Variants in AOPEP observed in about 807,000 individuals in gnomAD.
The protein encoded by AOPEP is aminopeptidase O.
Under a neutral mutation model 98.1 loss-of-function variants are expected in AOPEP, and 77 were observed. The ratio of observed to expected loss-of-function variants is 0.78; its 90% confidence interval spans 0.65 to 0.95. The LOEUF (loss-of-function observed/expected upper bound fraction) is 0.95. Ranked by LOEUF, AOPEP falls within the 40% of genes least tolerant of loss-of-function variation. The pLI is 0.00. For missense variants in AOPEP, 1,024 were observed against 1,024.7 expected (o/e 1.00, Z 0.01); for synonymous variants, 346 against 365.3 (o/e 0.95, Z 0.60).
At chr9:94,848,903 C>T (rs904797509) in intron 5 of AOPEP, among the ~76,000 whole-genome samples, 6 of 152,096 alleles carry the variant, frequency 3.9e-5, no homozygotes, top group African/African-American at 7.2e-5. Flanking sequence ...CAGCCTCCCA[C>T]GTAGCTGGGA....
chr9:95,124,945 G>T, the AOPEP span: 2 of 743,128 alleles, frequency 2.7e-6, no homozygotes, highest in Non-Finnish European at 4.7e-6. Context: ...CTTAACCTTT[G>T]TTGGGGCACT....
chr9:94,813,392 C>A (rs905104340), intron 5 of AOPEP, among the ~76,000 whole-genome samples: 5 of 152,076 alleles, frequency 3.3e-5, no homozygotes, highest in Non-Finnish European at 5.9e-5. Flanking sequence ...ATGATGATAC[C>A]ACCTGACTTT....
chr9:94,921,476 T>C (rs533774479), intron 5 of AOPEP: 2 of 152,246 alleles, frequency 1.3e-5, no homozygotes, highest in African/African-American at 4.8e-5. Flanking sequence ...TCACTCACTG[T>C]TGAAGAAAAG....
intron 5 of AOPEP, among the ~76,000 whole-genome samples, chr9:94,841,325 C>T (rs978962961): frequency 1.3e-5 from 2 of 152,102 alleles, no homozygotes; most frequent in Admixed American, 6.5e-5. Context: ...GCGTGTGCCA[C>T]GATGCTTGGC....
intron 5 of AOPEP, chr9:94,810,026 C>G (rs947001045): frequency 6.4e-6 from 1 of 155,988 alleles, no homozygotes; most frequent in East Asian, 1.9e-4. Context: ...ATCACCCAGA[C>G]AGCTTGCACT....
intron 1 of AOPEP, among the ~76,000 whole-genome samples, chr9:94,735,409 A>T (rs1831516921): frequency 6.6e-6 from 1 of 152,092 alleles, no homozygotes; most frequent in Admixed American, 6.6e-5. Flanking sequence ...TTTAGTAGAG[A>T]CAGGGTTTCA....
At position 94,944,735 on chromosome 9, in the gene AOPEP, A is replaced by G. The variant is rs554615129; in HGVS notation, c.1662-10442A>G. On this transcript the variant is annotated intron_variant, in intron 7 of 16. Transcript: ENST00000375315. ...GGTCAGGGCCTGGGTGGAGGTGGGA[A>G]GGAGATTGGGGAGTGACTGCCAGTG... is the stretch of plus-strand genomic sequence containing the variant. Among the ~76,000 whole-genome samples, 3 of 152,042 alleles carry G rather than the reference A, an allele frequency of 2.0e-5. No homozygotes were observed. The South Asian group carries it at 6.3e-4, about 32-fold the overall frequency.
the AOPEP span, chr9:95,099,695 C>CA: frequency 8.6e-6 from 2 of 232,308 alleles, no homozygotes; most frequent in Non-Finnish European, 1.7e-5. Context: ...ACAGTCCTCC[C>CA]ACCCAGGAAC....
the AOPEP span, chr9:95,101,033 T>C: frequency 4.3e-6 from 1 of 234,052 alleles, no homozygotes; most frequent in African/African-American, 2.2e-5. Flanking sequence ...ACACATCCTC[T>C]ACCTTCGCCT....
chr9:94,835,143 G>T (rs1588460072), intron 5 of AOPEP, among the ~76,000 whole-genome samples: 2 of 152,252 alleles, frequency 1.3e-5, no homozygotes, highest in South Asian at 4.2e-4. Flanking sequence ...TCTTTTCGGG[G>T]TATTGTTTTG....
At position 94,969,682 on chromosome 9, in the gene AOPEP, C is replaced by T. The variant is rs964855099; in HGVS notation, c.1916+1881C>T. ...TCGGCCTCCCAAAGTGCTGGGATTACAGGCGTGGGCCACTGCGCCTGGCCA... is the reference window on the plus strand; with the variant it reads ...TCGGCCTCCCAAAGTGCTGGGATTATAGGCGTGGGCCACTGCGCCTGGCCA... On this transcript the variant is annotated intron_variant, in intron 10 of 16. Transcript: ENST00000375315. Among the ~76,000 whole-genome samples the T allele has an allele frequency of 2.0e-5, 3 of 152,360 alleles. No homozygotes were observed. The South Asian group carries it at 6.2e-4, about 32-fold the overall frequency.
chr9:95,110,571 T>A, the AOPEP span: 1 of 1,034,028 alleles, frequency 9.7e-7, no homozygotes, highest in Non-Finnish European at 1.2e-6. Context: ...ATTTCAACTT[T>A]TTAAAATCTA....
intron 7 of AOPEP, among the ~76,000 whole-genome samples, chr9:94,939,508 G>C (rs954687511): frequency 6.6e-6 from 1 of 152,102 alleles, no homozygotes; most frequent in Non-Finnish European, 1.5e-5. Context: ...CTTGACCCAG[G>C]ATGGTAGGAT....
At chr9:94,828,807 T>G (rs1855255111) in intron 5 of AOPEP, among the ~76,000 whole-genome samples, 1 of 151,264 alleles carries the variant, frequency 6.6e-6, no homozygotes, top group African/African-American at 2.4e-5. Context: ...ACACATTATT[T>G]ATATATATTT....
intron 7 of AOPEP, among the ~76,000 whole-genome samples, chr9:94,946,666 G>A (rs968692517): frequency 4.6e-5 from 7 of 152,170 alleles, no homozygotes; most frequent in Non-Finnish European, 7.3e-5. Flanking sequence ...AACAATCTAC[G>A]TATCTGAAGG....
At chr9:95,133,570 G>C in the AOPEP span, among the ~76,000 whole-genome samples, 1 of 152,212 alleles carries the variant, frequency 6.6e-6, no homozygotes, top group Admixed American at 6.5e-5. Context: ...TCACCACAGT[G>C]CTGCTCAGGC....
intron 11 of AOPEP, among the ~76,000 whole-genome samples, chr9:94,992,512 C>A (rs1029520148): frequency 6.6e-6 from 1 of 152,184 alleles, no homozygotes; most frequent in Non-Finnish European, 1.5e-5. Flanking sequence ...GGAGGAAAGT[C>A]GGTTTGTTAT....
intron 5 of AOPEP, among the ~76,000 whole-genome samples, chr9:94,883,522 C>T (rs1157259891): frequency 1.3e-5 from 2 of 152,138 alleles, no homozygotes; most frequent in East Asian, 3.9e-4. Flanking sequence ...TGAGGCTCAG[C>T]TTTTGTTACA....
intron 1 of AOPEP, among the ~76,000 whole-genome samples, chr9:94,730,820 A>G (rs966146991): frequency 5.3e-5 from 8 of 152,190 alleles, no homozygotes; most frequent in African/African-American, 1.7e-4. Context: ...AAGAATTAGG[A>G]CATAGTTGGG....
Sources: gnomAD v4.1 joint callset for allele counts (sites outside exome capture counted in the v4.1 genomes callset) on GRCh38, gnomAD v4.1.1 for gene constraint, MANE v1.5 for transcripts, NCBI Gene and HGNC (gene_info 2026-07-23, HGNC 2026-07-21) for gene names.